Variants in PPP1R14C observed in about 807,000 individuals in gnomAD.
PPP1R14C encodes the protein protein phosphatase 1 regulatory subunit 14C.
Under a neutral mutation model 20.4 loss-of-function variants are expected in PPP1R14C, and 16 were observed. The observed-to-expected ratio is 0.78, with a 90% CI of 0.53 to 1.19. PPP1R14C has a LOEUF of 1.19. Among genes scored for constraint, PPP1R14C ranks in the 50% most tolerant of loss-of-function variants. The pLI, the probability that PPP1R14C is intolerant of heterozygous loss-of-function variation, is 0.00. For missense variants in PPP1R14C, 211 were observed against 220.1 expected, an observed-to-expected ratio of 0.96 and a Z score of 0.26; for synonymous variants, 91 against 91.0, an observed-to-expected ratio of 1.00 and a Z score of 0.00.
chr6:150,173,371 C>A lies in PPP1R14C; in HGVS notation c.306+29873C>A, dbSNP rs56045372. Among the ~76,000 whole-genome samples, 1,510 of 152,152 alleles carry A rather than the reference C, an allele frequency of 9.9e-3. 10 individuals carry two copies. Among genetic ancestry groups the A allele is most frequent in the Middle Eastern group, 0.027 (8 of 294 alleles). On this transcript the variant is annotated intron_variant, in intron 1 of 3. Coordinates refer to ENST00000361131, the MANE Select transcript of PPP1R14C (RefSeq NM_030949.3). The stretch of plus-strand genomic sequence containing the variant: ...TCCATCCCTATGGTGAGTGCCCGGG[C>A]CCAGCCTTTTCCACTCATGTGGAGC...
intron 3 of PPP1R14C, among the ~76,000 whole-genome samples, chr6:150,239,364 G>A (rs1778405525): frequency 6.6e-6 from 1 of 152,170 alleles, no homozygotes; most frequent in East Asian, 1.9e-4. Context: ...AAAGATTCAA[G>A]CCATACAAAG....
chr6:150,245,720 G>C (rs931908261), intron 3 of PPP1R14C, among the ~76,000 whole-genome samples: 1 of 152,202 alleles, frequency 6.6e-6, no homozygotes, highest in Non-Finnish European at 1.5e-5. Context: ...GTGCTTTTGA[G>C]TAATAGGAGC....
At chr6:150,184,852 A>G (rs1248059247) in intron 1 of PPP1R14C, among the ~76,000 whole-genome samples, 1 of 152,350 alleles carries the variant, frequency 6.6e-6, no homozygotes, top group East Asian at 1.9e-4. Context: ...GAAATTATCT[A>G]TTTGAACAAA....
intron 1 of PPP1R14C, among the ~76,000 whole-genome samples, chr6:150,186,210 A>G (rs1251888564): frequency 6.6e-6 from 1 of 152,170 alleles, no homozygotes; most frequent in Non-Finnish European, 1.5e-5. Context: ...TCAGGGAGAA[A>G]AGACATTAAT....
intron 1 of PPP1R14C, among the ~76,000 whole-genome samples, chr6:150,191,752 G>A (rs1361887233): frequency 2.6e-5 from 4 of 152,238 alleles, no homozygotes; most frequent in Non-Finnish European, 5.9e-5. Flanking sequence ...TAGCATCTCA[G>A]AGAGTATAGG....
chr6:150,206,028 G>A (rs769632574), intron 1 of PPP1R14C, among the ~76,000 whole-genome samples: 2 of 152,020 alleles, frequency 1.3e-5, no homozygotes, highest in African/African-American at 2.4e-5. Context: ...CTTTACAGGG[G>A]CCTCTGAGTC....
chr6:150,242,154 C>T (rs1318656903), intron 3 of PPP1R14C, among the ~76,000 whole-genome samples: 3 of 152,020 alleles, frequency 2.0e-5, no homozygotes, highest in African/African-American at 4.8e-5. Context: ...CAACAAAAAC[C>T]CTCTAGGCCC....
chr6:150,219,025 ACTCT>A (rs1248237875), intron 3 of PPP1R14C, among the ~76,000 whole-genome samples: 1 of 150,480 alleles, frequency 6.6e-6, no homozygotes, highest in Non-Finnish European at 1.5e-5. Context: ...AAAGATGATC[ACTCT>A]CTCTCTCTCC....
intron 1 of PPP1R14C, among the ~76,000 whole-genome samples, chr6:150,172,451 T>C (rs1777510314): frequency 2.6e-5 from 4 of 152,134 alleles, no homozygotes; most frequent in Non-Finnish European, 5.9e-5. Flanking sequence ...TGGCCTACTG[T>C]GCAAGGCCCT....
chr6:150,156,061 GAAAA>G (rs1777303176), intron 1 of PPP1R14C, among the ~76,000 whole-genome samples: 1 of 111,720 alleles, frequency 9.0e-6, no homozygotes, highest in Non-Finnish European at 1.9e-5. Context: ...AAGAAAGAAA[GAAAA>G]AGAAAAATTC....
At chr6:150,162,733 A>C (rs1777383650) in intron 1 of PPP1R14C, among the ~76,000 whole-genome samples, 1 of 152,234 alleles carries the variant, frequency 6.6e-6, no homozygotes, top group Non-Finnish European at 1.5e-5. Context: ...TGCTAGGGAC[A>C]CAGGTGCTTA....
chr6:150,188,176 T>C (rs1777699030), intron 1 of PPP1R14C, among the ~76,000 whole-genome samples: 2 of 152,276 alleles, frequency 1.3e-5, no homozygotes, highest in Non-Finnish European at 2.9e-5. Flanking sequence ...CTTGTATTTA[T>C]GTGCTTAAAA....
chr6:150,153,496 G>A (rs1777273526), intron 1 of PPP1R14C, among the ~76,000 whole-genome samples: 1 of 152,196 alleles, frequency 6.6e-6, no homozygotes, highest in African/African-American at 2.4e-5. Flanking sequence ...GTTTGCACAG[G>A]AATTGCTTAT....
intron 1 of PPP1R14C, among the ~76,000 whole-genome samples, chr6:150,184,025 TGAA>T (rs1375358861): frequency 6.6e-6 from 1 of 152,224 alleles, no homozygotes; most frequent in Non-Finnish European, 1.5e-5. Flanking sequence ...TTTTGGTTTT[TGAA>T]GAAGGATTAG....
intron 1 of PPP1R14C, among the ~76,000 whole-genome samples, chr6:150,163,173 C>T (rs1287680137): frequency 1.3e-5 from 2 of 152,102 alleles, no homozygotes; most frequent in East Asian, 1.9e-4. Context: ...AGGCGGATCA[C>T]GAGGTCAGGA....
intron 1 of PPP1R14C, among the ~76,000 whole-genome samples, chr6:150,180,160 C>T (rs1777606063): frequency 6.6e-6 from 1 of 152,170 alleles, no homozygotes; most frequent in Non-Finnish European, 1.5e-5. Flanking sequence ...CGAGATTGTG[C>T]CACTGCACCC....
rs1777149664 is a variant in PPP1R14C, at chr6:150,143,645, C to T, written c.306+147C>T. ...AGGAGCGAGGCGCGGCGCCTTCTCT[C>T]CCCCGCGGTGCCCTCTGGCGTCGGG... On this transcript the variant is annotated intron_variant, in intron 1 of 3. Transcript: ENST00000361131. The surrounding 1 kb of genome is among the most constrained non-coding windows in gnomAD (Gnocchi z 5.6). 6.3e-6 allele frequency: 4 copies of T among 633,574 alleles called. No homozygotes were observed. The highest frequency in any genetic ancestry group is 1.0e-5 in the Non-Finnish European group (4 of 381,812). The allele number at this position is 633,574 out of a possible 1,614,324, so 39.2% of individuals were successfully genotyped here. A position where few individuals can be genotyped will look rare whatever the true frequency, so the allele number is the denominator to read the frequency against.
intron 1 of PPP1R14C, among the ~76,000 whole-genome samples, chr6:150,152,075 C>G (rs1022511891): frequency 4.0e-5 from 6 of 150,344 alleles, no homozygotes; most frequent in Admixed American, 2.6e-4. Flanking sequence ...AGCCGAGATC[C>G]CGCCAATGCA....
chr6:150,191,558 C>T (rs1413856087), intron 1 of PPP1R14C, among the ~76,000 whole-genome samples: 1 of 152,220 alleles, frequency 6.6e-6, no homozygotes, highest in Non-Finnish European at 1.5e-5. Flanking sequence ...AACACCTGCT[C>T]TTAGAATCTT....
Sources: gnomAD v4.1 joint callset for allele counts (sites outside exome capture counted in the v4.1 genomes callset) on GRCh38, gnomAD v4.1.1 for gene constraint, Gnocchi (gnomAD v3.1) non-coding constraint, MANE v1.5 for transcripts, NCBI Gene and HGNC (gene_info 2026-07-23, HGNC 2026-07-21) for gene names.